DGKB: variants seen among roughly 807,000 people sequenced by gnomAD.
DGKB encodes 90 kDa diacylglycerol kinase.
DGKB carries 67 observed loss-of-function variants against 114.3 expected under a neutral mutation model. The ratio of observed to expected loss-of-function variants is 0.59; its 90% CI spans 0.48 to 0.72. The LOEUF (loss-of-function observed/expected upper bound fraction) is 0.72, where lower values mean the gene tolerates loss of function less well. Among genes scored for constraint, DGKB ranks in the 30% least tolerant of loss-of-function variants. The probability of loss-of-function intolerance (pLI) is 0.00; values close to 1 mark genes in which losing one functional copy is unlikely to be tolerated. For synonymous variants in DGKB, 398 were observed against 323.1 expected (o/e 1.23, Z -2.49); for missense variants, 907 against 975.2 (o/e 0.93, Z 0.93).
chr7:14,204,933 T>C (rs1562609060), intron 23 of DGKB, among the ~76,000 whole-genome samples: 1 of 152,044 alleles, frequency 6.6e-6, no homozygotes, highest in East Asian at 1.9e-4. Context: ...TAAGCTTTCA[T>C]TGTGTGTGTA....
chr7:14,559,031 TC>T (rs1377659683), intron 20 of DGKB, among the ~76,000 whole-genome samples: 1 of 152,092 alleles, frequency 6.6e-6, no homozygotes, highest in African/African-American at 2.4e-5. Flanking sequence ...CTCCAAATAT[TC>T]CCCTGGGAAA....
At chr7:14,574,037 G>A (rs963403161) in intron 20 of DGKB, among the ~76,000 whole-genome samples, 175 bp downstream of exon 20, 7 of 152,044 alleles carry the variant, frequency 4.6e-5, no homozygotes, top group African/African-American at 7.2e-5. Flanking sequence ...ATTGGTAAGC[G>A]ATGATAATAA....
intron 23 of DGKB, among the ~76,000 whole-genome samples, chr7:14,260,892 C>T (rs571923110): frequency 1.3e-5 from 2 of 152,152 alleles, no homozygotes; most frequent in African/African-American, 4.8e-5. Context: ...CTACACAGTA[C>T]AAAGTAAAGT....
chr7:14,193,100 C>A (rs1405037226), intron 23 of DGKB, among the ~76,000 whole-genome samples: 2 of 151,880 alleles, frequency 1.3e-5, no homozygotes, highest in Non-Finnish European at 2.9e-5. Flanking sequence ...TGCTACGCGA[C>A]CCAGTTCCTA....
chr7:14,911,296 A>T (rs1309822372), intron 1 of DGKB, among the ~76,000 whole-genome samples: 1 of 152,128 alleles, frequency 6.6e-6, no homozygotes, highest in East Asian at 1.9e-4. Flanking sequence ...GGACCTGTCC[A>T]AATGCTGAAA....
chr7:14,402,439 T>C (rs1823283319), intron 21 of DGKB, among the ~76,000 whole-genome samples: 1 of 151,914 alleles, frequency 6.6e-6, no homozygotes, highest in Admixed American at 6.6e-5. Flanking sequence ...CAATTCTTTA[T>C]GACACTGGGT....
intron 23 of DGKB, among the ~76,000 whole-genome samples, chr7:14,332,359 CACCAAGAACCACGA>C (rs1487129119): frequency 2.0e-5 from 3 of 151,908 alleles, no homozygotes; most frequent in Non-Finnish European, 4.4e-5. Flanking sequence ...CTGGTGCCTG[CACCAAGAACCACGA>C]ACACTATGCC....
At chr7:14,971,805 C>A (rs554381787) in intron 1 of DGKB, among the ~76,000 whole-genome samples, 2 of 149,906 alleles carry the variant, frequency 1.3e-5, no homozygotes, top group Non-Finnish European at 3.0e-5. Context: ...TCTTGTTGCC[C>A]AGGCTGAATT....
chr7:14,337,135 A>G (rs1299751637), intron 23 of DGKB, among the ~76,000 whole-genome samples: 2 of 152,116 alleles, frequency 1.3e-5, no homozygotes, highest in African/African-American at 4.8e-5. Context: ...ATTTTTCACT[A>G]CCCTTTTTAG....
intron 1 of DGKB, among the ~76,000 whole-genome samples, chr7:14,894,154 C>T (rs1781734319): frequency 6.6e-6 from 1 of 151,196 alleles, no homozygotes; most frequent in African/African-American, 2.4e-5. Context: ...TTTAGAGATG[C>T]CGATTCTCAT....
At chr7:14,960,120 A>G (rs1786756487) in intron 1 of DGKB, among the ~76,000 whole-genome samples, 1 of 152,088 alleles carries the variant, frequency 6.6e-6, no homozygotes, top group Non-Finnish European at 1.5e-5. Context: ...GCGAAGTTAC[A>G]GATATATGAT....
intron 2 of DGKB, among the ~76,000 whole-genome samples, chr7:14,769,070 T>TAAGAAAGAAAGAAAGAAAGA (rs5882458): frequency 1.2e-5 from 1 of 84,268 alleles, no homozygotes; most frequent in Non-Finnish European, 2.3e-5. Flanking sequence ...TTTTTAAAGA[T>TAAGAAAGAAAGAAAGAAAGA]AAGAAAGAAA....
At chr7:14,737,685 T>C (rs892826701) in intron 4 of DGKB, among the ~76,000 whole-genome samples, 1 of 152,152 alleles carries the variant, frequency 6.6e-6, no homozygotes, top group African/African-American at 2.4e-5. Flanking sequence ...AACTTTTTTA[T>C]TTAGTTTCAC....
intron 1 of DGKB, among the ~76,000 whole-genome samples, chr7:14,842,721 G>A (rs1848105030): frequency 6.7e-6 from 1 of 149,856 alleles, no homozygotes. Context: ...TAACCAAAGG[G>A]AGACAGATGA....
At chr7:14,566,012 G>A (rs7794316) in intron 20 of DGKB, among the ~76,000 whole-genome samples, 116 of 152,146 alleles carry the variant, frequency 7.6e-4, no homozygotes, top group Admixed American at 1.8e-3. Flanking sequence ...GGTTTATGAT[G>A]ACCAAGAGTC....
At chr7:14,584,542 T>G (rs1800430785) in intron 17 of DGKB, among the ~76,000 whole-genome samples, 1 of 152,180 alleles carries the variant, frequency 6.6e-6, no homozygotes, top group South Asian at 2.1e-4. Flanking sequence ...CACACTTCCC[T>G]GTTTACTAGT....
At chr7:14,924,938 C>T (rs1470336821) in intron 1 of DGKB, among the ~76,000 whole-genome samples, 5 of 152,176 alleles carry the variant, frequency 3.3e-5, no homozygotes, top group Non-Finnish European at 7.3e-5. Context: ...TCTCCTTCCC[C>T]TGTCCCCAAC....
At chr7:14,268,292 T>C (rs1041685351) in intron 23 of DGKB, among the ~76,000 whole-genome samples, 1 of 152,126 alleles carries the variant, frequency 6.6e-6, no homozygotes, top group African/African-American at 2.4e-5. Context: ...TAAGACATTT[T>C]ATAAGGATGC....
At chr7:14,693,057 G>A (rs1823161296) in intron 9 of DGKB, among the ~76,000 whole-genome samples, 1 of 152,004 alleles carries the variant, frequency 6.6e-6, no homozygotes, top group Middle Eastern at 3.4e-3. Flanking sequence ...TTAAAAATTT[G>A]GTGTCTTGAA....
Sources: gnomAD v4.1 joint callset for allele counts (sites outside exome capture counted in the v4.1 genomes callset) on GRCh38, gnomAD v4.1.1 for gene constraint, MANE v1.5 for transcripts, NCBI Gene and HGNC (gene_info 2026-07-23, HGNC 2026-07-21) for gene names.